GNS: variants seen among roughly 807,000 people sequenced by gnomAD.
GNS encodes the protein glucosamine (N-acetyl)-6-sulfatase.
In GNS, 40 loss-of-function variants were observed where a neutral mutation model predicts 69.7. That is an observed-to-expected ratio of 0.57 (90% CI 0.45 to 0.75). The LOEUF (loss-of-function observed/expected upper bound fraction) is 0.75, where lower values mean the gene tolerates loss of function less well. GNS is among the 30% of genes least tolerant of loss of function. GNS has a pLI of 0.00. For synonymous variants in GNS, 243 were observed against 251.6 expected (o/e 0.97, Z 0.32); for missense variants, 565 against 685.5 (o/e 0.82, Z 1.96).
chr12:64,757,087 G>C (rs1470897471), intron 1 of GNS, among the ~76,000 whole-genome samples: 1 of 152,166 alleles, frequency 6.6e-6, no homozygotes, highest in Non-Finnish European at 1.5e-5. Flanking sequence ...ACTGAGGCAG[G>C]AGGACTGCTT....
chr12:64,743,104 C>CTTAG (rs772548732), intron 6 of GNS, 37 bp downstream of exon 6: 2 of 1,494,272 alleles, frequency 1.3e-6, no homozygotes, highest in Non-Finnish European at 1.9e-6. Context: ...GTTAATGATA[C>CTTAG]TTAGTATGGC....
chr12:64,756,686 G>A, intron 1 of GNS: 1 of 1,314,336 alleles, frequency 7.6e-7, no homozygotes, highest in Non-Finnish European at 1.1e-6. Flanking sequence ...CTCCAAGTAA[G>A]TTCTCAAATG....
At chr12:64,724,674 A>C (rs1004896230) in intron 10 of GNS, among the ~76,000 whole-genome samples, 4 of 152,108 alleles carry the variant, frequency 2.6e-5, no homozygotes, top group African/African-American at 9.7e-5. Context: ...CCCGACCAAC[A>C]TGGTGAAACC....
At chr12:64,721,976 T>C (rs943652465) in intron 11 of GNS, among the ~76,000 whole-genome samples, 8 of 152,062 alleles carry the variant, frequency 5.3e-5, no homozygotes, top group African/African-American at 1.9e-4. Flanking sequence ...AATGGGCACC[T>C]GTAAAATGTA....
chr12:64,716,824 G>C lies in GNS; in HGVS notation c.1581-5C>G. On this transcript the variant is annotated splice_region_variant and splice_polypyrimidine_tract_variant and intron_variant, in intron 13 of 13. Transcript: ENST00000258145. The stretch of plus-strand genomic sequence containing the variant: ...AGACGGGGGTCAAACCTGTATCTGG[G>C]GAGGAAAAACCAAATGTAACATTAG... The C allele has an allele frequency of 1.0e-5, 16 of 1,599,148 alleles. No individual in the cohort carries two copies. The highest frequency in any genetic ancestry group is 1.3e-5 in the African/African-American group (1 of 74,692).
rs372454879 is a variant in GNS, at chr12:64,720,319, C to T, written c.1420-137G>A. 179 of 687,084 alleles carry T rather than the reference C, an allele frequency of 2.6e-4. No homozygotes were observed. The East Asian group carries it at 3.4e-3, about 13-fold the overall frequency. 42.6% of individuals were successfully genotyped at this position (687,084 alleles called of 1,614,324 possible). A position where few individuals can be genotyped will look rare whatever the true frequency, so the allele number is the denominator to read the frequency against. ...AAAAAATCAAGGCCCTGGAGACTCT[C>T]AATCTGTTTTCAAGATCCTCAAAGA... On this transcript the variant is annotated intron_variant, in intron 12 of 13. Coordinates refer to ENST00000258145, the MANE Select transcript of GNS (RefSeq NM_002076.4).
intron 2 of GNS, among the ~76,000 whole-genome samples, chr12:64,748,247 A>G (rs1364264564): frequency 6.6e-6 from 1 of 151,590 alleles, no homozygotes. Flanking sequence ...TGTCACCCAG[A>G]CTGGAGTGCA....
chr12:64,737,076 C>G lies in GNS; in HGVS notation c.1026G>C (p.Gln342His). 6.3e-7 allele frequency: 1 copy of G among 1,596,072 alleles called. No individual in the cohort carries two copies. The highest frequency in any genetic ancestry group is 8.6e-7 in the Non-Finnish European group (1 of 1,163,564). ...GQFSLPIDKRQLYEFDIKVPL... is the reference protein window; with the variant it reads ...GQFSLPIDKRHLYEFDIKVPL... ...GAACTTTGATATCAAACTCATACAGCTGTCTCTTGTCTATTGGCAAGGAAA... is the reference window on the plus strand; with the variant it reads ...GAACTTTGATATCAAACTCATACAGGTGTCTCTTGTCTATTGGCAAGGAAA... Residue 342 changes from glutamine to histidine, a missense_variant, in exon 9 of 14, where the codon CAG becomes CAC. Coordinates refer to ENST00000258145, the MANE Select transcript of GNS (RefSeq NM_002076.4).
intron 6 of GNS, among the ~76,000 whole-genome samples, chr12:64,741,820 T>C (rs1014060174): frequency 1.3e-5 from 2 of 152,210 alleles, no homozygotes; most frequent in East Asian, 3.8e-4. Context: ...TATAGCATAT[T>C]CTCCTGCTAG....
At chr12:64,738,040 C>T (rs1317455519) in intron 8 of GNS, among the ~76,000 whole-genome samples, 9 of 150,018 alleles carry the variant, frequency 6.0e-5, no homozygotes, top group Admixed American at 2.0e-4. Context: ...GATGGAGTCT[C>T]GCTCTGTCAC....
intron 1 of GNS, among the ~76,000 whole-genome samples, chr12:64,754,448 AG>A (rs1870182484): frequency 6.6e-6 from 1 of 152,162 alleles, no homozygotes; most frequent in African/African-American, 2.4e-5. Flanking sequence ...AGCAAGTACA[AG>A]GGCTGCCAGA....
chr12:64,726,125 A>G (rs948529467), intron 10 of GNS, among the ~76,000 whole-genome samples: 1 of 152,132 alleles, frequency 6.6e-6, no homozygotes, highest in African/African-American at 2.4e-5. Context: ...TCCAACCAAA[A>G]GCCAACATTT....
At chr12:64,750,840 A>C (rs1037951180) in intron 2 of GNS, among the ~76,000 whole-genome samples, 2 of 152,198 alleles carry the variant, frequency 1.3e-5, no homozygotes, top group Admixed American at 6.5e-5. Flanking sequence ...CAGGAGTTTG[A>C]GTTCAAGTCT....
intron 13 of GNS, 142 bp downstream of exon 13, chr12:64,719,880 G>A: frequency 1.4e-6 from 1 of 705,858 alleles, no homozygotes; most frequent in Non-Finnish European, 2.6e-6. Flanking sequence ...CCAGCACAAC[G>A]GGCTGATGCA....
chr12:64,750,880 T>C (rs1320051231), intron 2 of GNS, among the ~76,000 whole-genome samples: 2 of 152,042 alleles, frequency 1.3e-5, no homozygotes, highest in Admixed American at 6.6e-5. Context: ...CACTCCAACA[T>C]GGGCGGTAGA....
chr12:64,737,184 C>A, intron 8 of GNS, 77 bp from the exon 9 acceptor site: 1 of 843,160 alleles, frequency 1.2e-6, no homozygotes, highest in South Asian at 1.3e-5. Flanking sequence ...TCATTTAATC[C>A]ACAGCCAAAA....
chr12:64,757,185 T>C (rs1870277774), intron 1 of GNS, among the ~76,000 whole-genome samples: 1 of 152,046 alleles, frequency 6.6e-6, no homozygotes, highest in African/African-American at 2.4e-5. Context: ...ACTCAAAAAA[T>C]CTGCTACTGG....
chr12:64,750,820 C>A (rs1189818836), intron 2 of GNS, among the ~76,000 whole-genome samples: 1 of 152,060 alleles, frequency 6.6e-6, no homozygotes, highest in Non-Finnish European at 1.5e-5. Context: ...GCGGGAGGAT[C>A]ATCTGAGCCC....
intron 9 of GNS, among the ~76,000 whole-genome samples, chr12:64,736,305 G>C (rs998670684): frequency 2.0e-5 from 3 of 152,192 alleles, no homozygotes; most frequent in Admixed American, 1.3e-4. Context: ...GCATATTATG[G>C]CAGTTCTAGG....
Sources: gnomAD v4.1 joint callset for allele counts (sites outside exome capture counted in the v4.1 genomes callset) on GRCh38, gnomAD v4.1.1 for gene constraint, MANE v1.5 for transcripts, NCBI Gene and HGNC (gene_info 2026-07-23, HGNC 2026-07-21) for gene names.